The following RNF144B variants were observed in gnomAD, a reference collection of about 807,000 sequenced individuals.
The protein encoded by RNF144B is ring finger protein 144B, also known as E3 ubiquitin-protein ligase RNF144B.
In RNF144B, 25 loss-of-function variants were observed where a neutral mutation model predicts 40.2. That is an observed-to-expected ratio of 0.62 (90% CI 0.45 to 0.87). RNF144B has a LOEUF of 0.87. RNF144B is among the 40% of genes least tolerant of loss of function. RNF144B has a pLI of 0.00. For missense variants in RNF144B, 365 were observed against 373.7 expected (o/e 0.98, Z 0.19); for synonymous variants, 145 against 136.3 (o/e 1.06, Z -0.44).
chr6:18,407,682 T>A (rs1794941244), intron 2 of RNF144B, among the ~76,000 whole-genome samples: 1 of 152,228 alleles, frequency 6.6e-6, no homozygotes, highest in Non-Finnish European at 1.5e-5. Context: ...ATAAAATTGG[T>A]TAGAATCTAA....
chr6:18,446,840 G>GGGGT lies in RNF144B; in HGVS notation c.331+7097_331+7098insGGTG, dbSNP rs773246066. ...TAAAGTTTTATTGGTTCTATTTTAG[G>GGGGT]GTGTGTGTGTGTGTGTGTGTGTGTG... is the stretch of plus-strand genomic sequence containing the variant. On this transcript the variant is annotated intron_variant, in intron 4 of 7. Coordinates refer to ENST00000259939, the MANE Select transcript of RNF144B (RefSeq NM_182757.4). This position sits in a 1 kb window ranked among gnomAD's most constrained non-coding sequence, Gnocchi z 4.7. 2.0e-5 allele frequency among the ~76,000 whole-genome samples: 3 copies of GGGGT among 147,892 alleles called. No homozygotes were observed. Among genetic ancestry groups the GGGGT allele is most frequent in the African/African-American group, 5.0e-5 (2 of 39,894 alleles).
chr6:18,463,993 C>A (rs1440790912), intron 7 of RNF144B, among the ~76,000 whole-genome samples: 1 of 152,146 alleles, frequency 6.6e-6, no homozygotes, highest in African/African-American at 2.4e-5. Context: ...ATTCAATTAT[C>A]TCCACCTGGC....
At chr6:18,451,148 A>G (rs1441306519) in intron 4 of RNF144B, among the ~76,000 whole-genome samples, 1 of 152,060 alleles carries the variant, frequency 6.6e-6, no homozygotes, top group African/African-American at 2.4e-5. Flanking sequence ...ATTTATTTGC[A>G]TTGCTTGGTT....
Position 18,412,771 on chromosome 6 carries a change from A to G in RNF144B, c.165+13072A>G, listed in dbSNP as rs565729909. Among the ~76,000 whole-genome samples, 14 of 152,288 alleles carry G rather than the reference A, an allele frequency of 9.2e-5. No homozygotes were observed. The highest frequency in any genetic ancestry group is 3.4e-4 in the African/African-American group (14 of 41,560). ...AGTGTACCCCTTGGAATCAGGTGAGACACAGTGCCTCATTTCCATGGAAAT... is the reference window on the plus strand; with the variant it reads ...AGTGTACCCCTTGGAATCAGGTGAGGCACAGTGCCTCATTTCCATGGAAAT... On this transcript the variant is annotated intron_variant, in intron 2 of 7. Transcript: ENST00000259939. The surrounding 1 kb of genome is among the most constrained non-coding windows in gnomAD (Gnocchi z 4.2).
intron 2 of RNF144B, among the ~76,000 whole-genome samples, chr6:18,409,391 A>C (rs1035925715): frequency 2.3e-4 from 34 of 150,200 alleles, no homozygotes; most frequent in African/African-American, 8.3e-4. Context: ...AAAAAAAAAA[A>C]AAAAAAAAAA....
intron 2 of RNF144B, among the ~76,000 whole-genome samples, chr6:18,415,336 T>C (rs542449109): frequency 1.3e-5 from 2 of 152,240 alleles, no homozygotes; most frequent in East Asian, 3.9e-4. Context: ...GGCTGGAAAG[T>C]CCAATATCAA....
rs1362333930 is a variant in RNF144B at position 18,405,174 on chromosome 6, A to ATTATTATTATTATTATTATTATTG, written c.165+5477_165+5478insATTATTATTATTATTATTATTGTT. On this transcript the variant is annotated intron_variant, in intron 2 of 7. Coordinates refer to ENST00000259939, the MANE Select transcript of RNF144B (RefSeq NM_182757.4). This position sits in a 1 kb window ranked among gnomAD's most constrained non-coding sequence, Gnocchi z 4.5. Reference sequence around the variant, plus strand: ...CTTTATTATTATTATTATTATTATTATTGTTATTATTATTTTTGAGATGGA... The same window carrying ATTATTATTATTATTATTATTATTG: ...CTTTATTATTATTATTATTATTATTATTATTATTATTATTATTATTATTGTTGTTATTATTATTTTTGAGATGGA... 8.4e-5 allele frequency among the ~76,000 whole-genome samples: 12 copies of ATTATTATTATTATTATTATTATTG among 142,608 alleles called. No individual in the cohort carries two copies. The highest frequency in any genetic ancestry group is 2.8e-4 in the African/African-American group (11 of 39,190). The allele number at this position is 142,608 out of a possible 152,430, so 93.6% of individuals were successfully genotyped here. A position where few individuals can be genotyped will look rare whatever the true frequency, so the allele number is the denominator to read the frequency against.
intron 2 of RNF144B, among the ~76,000 whole-genome samples, chr6:18,426,894 T>C (rs1397129390): frequency 6.6e-6 from 1 of 152,088 alleles, no homozygotes; most frequent in Non-Finnish European, 1.5e-5. Context: ...AATTTCTTCT[T>C]TCCCCAGGGG....
intron 4 of RNF144B, among the ~76,000 whole-genome samples, chr6:18,451,438 G>A (rs1356612149): frequency 6.6e-6 from 1 of 152,192 alleles, no homozygotes; most frequent in African/African-American, 2.4e-5. Flanking sequence ...CCGTAAATAA[G>A]TATGAAAGAA....
intron 3 of RNF144B, among the ~76,000 whole-genome samples, chr6:18,433,587 G>A (rs1170690551): frequency 2.6e-5 from 4 of 152,156 alleles, no homozygotes; most frequent in Non-Finnish European, 5.9e-5. Flanking sequence ...ATGATATATG[G>A]AAAGATGATC....
intron 1 of RNF144B, among the ~76,000 whole-genome samples, chr6:18,392,847 TATC>T (rs1020681110): frequency 8.5e-5 from 13 of 152,188 alleles, no homozygotes; most frequent in Non-Finnish European, 1.8e-4. Flanking sequence ...TTATGTGTAA[TATC>T]ATGTATGTAC....
In RNF144B at chr6:18,414,896, C is replaced by G. The variant is rs1405593856; in HGVS notation, c.166-12685C>G. ...AAGATAAAGATTTTTACAACAAATA[C>G]CTGTAGAGTTATCCCTTGGTATCTT... On this transcript the variant is annotated intron_variant, in intron 2 of 7. Coordinates refer to ENST00000259939, the MANE Select transcript of RNF144B (RefSeq NM_182757.4). This position sits in a 1 kb window ranked among gnomAD's most constrained non-coding sequence, Gnocchi z 4.9. 6.6e-6 allele frequency among the ~76,000 whole-genome samples: 1 copy of G among 152,080 alleles called. No homozygotes were observed. The highest frequency in any genetic ancestry group is 2.4e-5 in the African/African-American group (1 of 41,406).
chr6:18,410,981 CTTCTT>C lies in RNF144B; in HGVS notation c.165+11295_165+11299del, dbSNP rs1298271497. Among the ~76,000 whole-genome samples, 1 of 133,794 alleles carries C rather than the reference CTTCTT, an allele frequency of 7.5e-6. No homozygotes were observed. The highest frequency in any genetic ancestry group is 2.8e-5 in the African/African-American group (1 of 35,466). The allele number at this position is 133,794 out of a possible 152,430, so 87.8% of individuals were successfully genotyped here. A position where few individuals can be genotyped will look rare whatever the true frequency, so the allele number is the denominator to read the frequency against. On this transcript the variant is annotated intron_variant, in intron 2 of 7. Coordinates refer to ENST00000259939, the MANE Select transcript of RNF144B (RefSeq NM_182757.4). This position sits in a 1 kb window ranked among gnomAD's most constrained non-coding sequence, Gnocchi z 4.6. ...TGTCAGCTTTCTTTTCTTTTTTTTT[CTTCTT>C]TTCTTTTCTTTTTTTTTGAGACGGA...
chr6:18,440,549 T>C (rs1266414601), intron 4 of RNF144B, among the ~76,000 whole-genome samples: 1 of 151,844 alleles, frequency 6.6e-6, no homozygotes, highest in Non-Finnish European at 1.5e-5. Flanking sequence ...GAGGTGAGGG[T>C]GGGGGGAAAA....
chr6:18,449,472 CAA>C (rs903818721), intron 4 of RNF144B, among the ~76,000 whole-genome samples: 9 of 152,092 alleles, frequency 5.9e-5, no homozygotes, highest in Non-Finnish European at 1.0e-4. Flanking sequence ...AATACATAGA[CAA>C]GAGATAAATC....
At chr6:18,428,927 C>A (rs1327148395) in intron 3 of RNF144B, among the ~76,000 whole-genome samples, 1 of 152,174 alleles carries the variant, frequency 6.6e-6, no homozygotes, top group East Asian at 1.9e-4. Context: ...TGCTGTGGCT[C>A]ACACCTGTAA....
Position 18,406,361 on chromosome 6 carries a change from G to C in RNF144B, c.165+6662G>C, listed in dbSNP as rs978404503. 2.6e-5 allele frequency among the ~76,000 whole-genome samples: 4 copies of C among 152,080 alleles called. No homozygotes were observed. The highest frequency in any genetic ancestry group is 9.7e-5 in the African/African-American group (4 of 41,402). On this transcript the variant is annotated intron_variant, in intron 2 of 7. Transcript: ENST00000259939. This position sits in a 1 kb window ranked among gnomAD's most constrained non-coding sequence, Gnocchi z 4.2. The stretch of plus-strand genomic sequence containing the variant: ...CAAGCCATACAGATATCTGGGAGAA[G>C]AGGGTTGTAGGCAGAGGGAAGCAGT...
rs1447884359 is a variant in RNF144B, at chr6:18,419,063, A to C, written c.166-8518A>C. On this transcript the variant is annotated intron_variant, in intron 2 of 7. Transcript: ENST00000259939. The surrounding 1 kb of genome is among the most constrained non-coding windows in gnomAD (Gnocchi z 4.6). The stretch of plus-strand genomic sequence containing the variant: ...AAACCTCAGACCCCACCCAAGATCC[A>C]CTGAATCAGAATCTGCATTTTTGAT... 6.6e-6 allele frequency among the ~76,000 whole-genome samples: 1 copy of C among 152,168 alleles called. No individual in the cohort carries two copies. Among genetic ancestry groups the C allele is most frequent in the African/African-American group, 2.4e-5 (1 of 41,436 alleles).
chr6:18,461,660 TA>T (rs958422202), intron 6 of RNF144B, among the ~76,000 whole-genome samples: 4 of 152,230 alleles, frequency 2.6e-5, no homozygotes, highest in Admixed American at 2.0e-4. Context: ...AGACTTCAAA[TA>T]TTGAAGCATC....
Sources: gnomAD v4.1 joint callset for allele counts (sites outside exome capture counted in the v4.1 genomes callset) on GRCh38, gnomAD v4.1.1 for gene constraint, Gnocchi (gnomAD v3.1) non-coding constraint, MANE v1.5 for transcripts, NCBI Gene and HGNC (gene_info 2026-07-23, HGNC 2026-07-21) for gene names.